The following UBN2 variants were observed in gnomAD, a reference collection of about 807,000 sequenced individuals.
UBN2 encodes the protein ubinuclein 2.
Under a neutral mutation model 120.2 loss-of-function variants are expected in UBN2, and 35 were observed. That is an observed-to-expected ratio of 0.29 (90% CI 0.22 to 0.39). UBN2 has a LOEUF of 0.39. Among genes scored for constraint, UBN2 ranks in the 10% least tolerant of loss-of-function variants. UBN2 has a pLI of 1.00. For missense variants in UBN2, 1,693 were observed against 1,663.2 expected (o/e 1.02, Z -0.31); for synonymous variants, 661 against 648.7 (o/e 1.02, Z -0.29).
chr7:139,270,518 C>T (rs541841412), intron 8 of UBN2, among the ~76,000 whole-genome samples: 1 of 152,248 alleles, frequency 6.6e-6, no homozygotes, highest in Non-Finnish European at 1.5e-5. Context: ...ATCCGCCCAG[C>T]TTGGCCTCCC....
chr7:139,260,351 G>C (rs994966929), intron 5 of UBN2, among the ~76,000 whole-genome samples: 16 of 152,066 alleles, frequency 1.1e-4, no homozygotes, highest in Non-Finnish European at 2.2e-4. Flanking sequence ...ACCAGCCTCA[G>C]CCTCCGAAAG....
intron 15 of UBN2, among the ~76,000 whole-genome samples, chr7:139,286,549 CACCTATTA>C (rs1797794781): frequency 6.6e-6 from 1 of 152,028 alleles, no homozygotes; most frequent in Non-Finnish European, 1.5e-5. Context: ...AAATAAAAAT[CACCTATTA>C]ATCCAATACT....
At chr7:139,241,690 TAATAAG>T (rs142419347) in intron 2 of UBN2, among the ~76,000 whole-genome samples, 2,916 of 152,278 alleles carry the variant, frequency 0.019, 97 homozygotes, top group African/African-American at 0.066. Flanking sequence ...ACCCTGTCTC[TAATAAG>T]AATAAGAATA....
chr7:139,272,362 C>CTGT lies in UBN2; in HGVS notation c.1639_1641dup (p.Val547dup). On this transcript the variant is annotated inframe_insertion, in exon 9 of 18. Transcript: ENST00000473989. ...GAACCTCTGCAAAAACTGAAACTGG[C>CTGT]TGTTAGCAATGTCATGCCTGAACAG... 6.2e-7 allele frequency: 1 copy of CTGT among 1,613,648 alleles called. No individual in the cohort carries two copies. Among genetic ancestry groups the CTGT allele is most frequent in the South Asian group, 1.1e-5 (1 of 90,916 alleles).
chr7:139,259,492 C>A, intron 5 of UBN2, 122 bp downstream of exon 5: 1 of 1,291,952 alleles, frequency 7.7e-7, no homozygotes, highest in Non-Finnish European at 1.0e-6. Context: ...ACGTTATTGA[C>A]ATATTAGTGA....
chr7:139,320,881 C>T, the UBN2 span, among the ~76,000 whole-genome samples: 1 of 151,644 alleles, frequency 6.6e-6, no homozygotes, highest in African/African-American at 2.4e-5. Context: ...AAACCATTCT[C>T]TATATATTTT....
At chr7:139,276,442 C>A (rs999714332) in intron 12 of UBN2, 7 of 400,740 alleles carry the variant, frequency 1.7e-5, no homozygotes, top group Non-Finnish European at 2.3e-5. Context: ...TCTTTTTCTC[C>A]ACCTCTTAAT....
Position 139,293,472 on chromosome 7 carries a change from G to T in UBN2, c.3901+9G>T, listed in dbSNP as rs371931005. ...CCATAGCCTAACTCAGAGTAAGTGG[G>T]GCTCTTCTATTTGGTTGGGCTGTCT... On this transcript the variant is annotated intron_variant, in intron 16 of 17. Coordinates refer to ENST00000473989, the MANE Select transcript of UBN2 (RefSeq NM_173569.4). The T allele has an allele frequency of 6.2e-7, 1 of 1,612,874 alleles. No homozygotes were observed. The highest frequency in any genetic ancestry group is 8.5e-7 in the Non-Finnish European group (1 of 1,179,058).
chr7:139,269,345 A>G (rs1797193755), intron 7 of UBN2, 49 bp from the exon 8 acceptor site: 1 of 1,577,686 alleles, frequency 6.3e-7, no homozygotes, highest in African/African-American at 1.4e-5. Flanking sequence ...GTGCAATGCC[A>G]CCTAAAATAA....
Position 139,231,465 on chromosome 7 carries a change from G to T in UBN2, c.-20G>T. 2.3e-6 allele frequency: 3 copies of T among 1,321,448 alleles called. No homozygotes were observed. The highest frequency in any genetic ancestry group is 1.9e-6 in the Non-Finnish European group (2 of 1,029,222). The allele number at this position is 1,321,448 out of a possible 1,614,324, so 81.9% of individuals were successfully genotyped here. On this transcript the variant is annotated 5_prime_UTR_variant, in exon 1 of 18. An upstream open reading frame in the 5' UTR gains an earlier in-frame stop. Coordinates refer to ENST00000473989, the MANE Select transcript of UBN2 (RefSeq NM_173569.4). ...AGCGAGCGCCGGCTCGAGCAAAAGC[G>T]GAGGGCCAGAACAGTGGGGATGGCG...
chr7:139,284,275 C>T lies in UBN2; in HGVS notation c.3370C>T (p.Pro1124Ser). 1 of 1,614,168 alleles carries T rather than the reference C, an allele frequency of 6.2e-7. No individual in the cohort carries two copies. Among genetic ancestry groups the T allele is most frequent in the Non-Finnish European group, 8.5e-7 (1 of 1,180,046 alleles). The stretch of plus-strand genomic sequence containing the variant: ...TGGAATGAACATCAGCAGACAGTCT[C>T]CCACCTTGAATTTATTGCCCTCTAG... ...PSGMNISRQS[P>S]TLNLLPSSRT... The change falls in exon 15 of 18, where the codon CCC (proline) becomes TCC (serine). Residue 1124 changes from proline (P) to serine (S), a missense_variant. This residue lies in a region of UBN2 where 837 missense variants were observed against 817.6 expected (regional missense o/e 1.02). Transcript: ENST00000473989.
intron 10 of UBN2, 42 bp downstream of exon 10, chr7:139,273,452 A>G: frequency 7.6e-7 from 1 of 1,309,636 alleles, no homozygotes; most frequent in Non-Finnish European, 1.0e-6. Context: ...ATAATGCAGA[A>G]GTAAGATTCC....
chr7:139,252,175 A>G (rs1796639911), intron 3 of UBN2, 118 bp downstream of exon 3: 1 of 748,718 alleles, frequency 1.3e-6, no homozygotes, highest in South Asian at 2.1e-5. Flanking sequence ...TTTTAAAGCC[A>G]TGTTCACTAC....
At chr7:139,308,705 T>C (rs1209943692), downstream of UBN2, among the ~76,000 whole-genome samples, 1 of 152,152 alleles carries the variant, frequency 6.6e-6, no homozygotes, top group African/African-American at 2.4e-5. Context: ...TATGTGTGTA[T>C]TTGATGGTGC....
chr7:139,311,085 C>G (rs1006811593), downstream of UBN2, among the ~76,000 whole-genome samples: 1 of 152,202 alleles, frequency 6.6e-6, no homozygotes, highest in Non-Finnish European at 1.5e-5. Flanking sequence ...CCTATACATA[C>G]AAAGCTTTGA....
At chr7:139,232,707 T>G (rs1796060902) in intron 1 of UBN2, among the ~76,000 whole-genome samples, 1 of 152,216 alleles carries the variant, frequency 6.6e-6, no homozygotes, top group Non-Finnish European at 1.5e-5. Context: ...ATTATTTAAG[T>G]GTACTATCAT....
chr7:139,238,651 A>C (rs1483094118), intron 2 of UBN2, among the ~76,000 whole-genome samples: 1 of 152,058 alleles, frequency 6.6e-6, no homozygotes, highest in Non-Finnish European at 1.5e-5. Flanking sequence ...CGAACTCCTG[A>C]CCTCAACTGA....
At chr7:139,265,636 C>T (rs773282414) in intron 6 of UBN2, among the ~76,000 whole-genome samples, 7 of 152,096 alleles carry the variant, frequency 4.6e-5, no homozygotes, top group Non-Finnish European at 1.0e-4. Flanking sequence ...CTAGATTAGC[C>T]TATGGCCCAT....
At chr7:139,250,278 G>C (rs1360620292) in intron 2 of UBN2, among the ~76,000 whole-genome samples, 2 of 151,976 alleles carry the variant, frequency 1.3e-5, no homozygotes, top group African/African-American at 4.8e-5. Flanking sequence ...TGTTGTCCAG[G>C]CTGAAGTGCA....
Sources: allele counts gnomAD v4.1 joint callset (sites outside exome capture counted in the v4.1 genomes callset), GRCh38; gene constraint gnomAD v4.1.1; regional missense constraint gnomAD v4.1.1; transcripts MANE v1.5; gene names NCBI Gene and HGNC (gene_info 2026-07-23, HGNC 2026-07-21).